The following MYH14 variants were observed in gnomAD, a reference collection of about 807,000 sequenced individuals.
MYH14 encodes myosin-14.
Under a neutral mutation model 255.5 loss-of-function variants are expected in MYH14, and 123 were observed. That is an observed-to-expected ratio of 0.48 (90% confidence interval 0.42 to 0.56). The LOEUF (loss-of-function observed/expected upper bound fraction) is 0.56. Ranked by LOEUF, MYH14 falls within the 20% of genes least tolerant of loss-of-function variation. MYH14 has a pLI of 0.00. For missense variants in MYH14, 2,423 were observed against 2,802.3 expected (o/e 0.86, Z 3.06); for synonymous variants, 1,095 against 1,161.2 (o/e 0.94, Z 1.16).
chr19:50,260,796 CAT>C lies in MYH14; in HGVS notation c.2424+84_2424+85del, dbSNP rs536779326. On this transcript the variant is annotated intron_variant, in intron 20 of 42. Coordinates refer to ENST00000642316, the MANE Select transcript of MYH14 (RefSeq NM_001145809.2). ...GTGTGCGTGCATGTGTGTGTGCATG[CAT>C]ATGTGTGCATGCGTGTGTGTGCAAG... 423 of 1,040,556 alleles carry C rather than the reference CAT, an allele frequency of 4.1e-4. 4 individuals are homozygous for C. The highest frequency in any genetic ancestry group is 3.8e-3 in the South Asian group (286 of 74,836). The allele number at this position is 1,040,556 out of a possible 1,614,324, so 64.5% of individuals were successfully genotyped here. A position where few individuals can be genotyped will look rare whatever the true frequency, so the allele number is the denominator to read the frequency against.
At position 50,301,839 on chromosome 19, in the gene MYH14, A is replaced by T; in HGVS notation, c.5648A>T (p.Gln1883Leu). The T allele has an allele frequency of 6.2e-7, 1 of 1,613,426 alleles. No individual in the cohort carries two copies. Among genetic ancestry groups the T allele is most frequent in the Non-Finnish European group, 8.5e-7 (1 of 1,179,714 alleles). ...TIAALESKLAQAEEQLEQETR... is the reference protein window; with the variant it reads ...TIAALESKLALAEEQLEQETR... ...GCTGCCCTTGAGTCTAAGTTGGCCC[A>T]GGCTGAGGAGCAGCTAGAGCAAGAG... Residue 1883 changes from glutamine (Q) to leucine (L), a missense_variant, in exon 40 of 43, where the codon CAG (glutamine) becomes CTG (leucine). Gln to Leu is a moderately radical substitution (Grantham distance 113, BLOSUM62 -2). Coordinates refer to ENST00000642316, the MANE Select transcript of MYH14 (RefSeq NM_001145809.2).
rs1168584760 is a variant in MYH14 at position 50,232,065 on chromosome 19, T to C, written c.1109T>C (p.Ile370Thr). Residue 370 changes from isoleucine (I) to threonine (T), a missense_variant, in exon 10 of 43, where the codon ATC becomes ACC. Physicochemically the swap from Ile to Thr is moderately conservative, Grantham distance 89. Transcript: ENST00000642316. The stretch of plus-strand genomic sequence containing the variant: ...GTCCTGGGATTCAGCCACGAGGAAA[T>C]CATCTGTGAGTGAGCCCCGTGGAGG... The part of the protein sequence containing the change: ...LRVLGFSHEE[I>T]ISMLRMVSAV... The C allele has an allele frequency of 1.2e-6, 2 of 1,611,660 alleles. No individual in the cohort carries two copies. The highest frequency in any genetic ancestry group is 1.3e-5 in the African/African-American group (1 of 74,936).
intron 18 of MYH14, among the ~76,000 whole-genome samples, chr19:50,258,107 G>C (rs150869408): frequency 0.012 from 1,771 of 152,130 alleles, 19 homozygotes; most frequent in Non-Finnish European, 0.018. Context: ...GGGTCAATGG[G>C]AATGGAAAAC....
At chr19:50,296,641 T>C (rs1195751623) in intron 39 of MYH14, among the ~76,000 whole-genome samples, 1 of 152,100 alleles carries the variant, frequency 6.6e-6, no homozygotes, top group East Asian at 1.9e-4. Flanking sequence ...GAAATGAAAC[T>C]GGAGCTTCTT....
At chr19:50,265,192 G>A (rs1245274056) in intron 22 of MYH14, among the ~76,000 whole-genome samples, 1 of 152,184 alleles carries the variant, frequency 6.6e-6, no homozygotes, top group Non-Finnish European at 1.5e-5. Flanking sequence ...AGCTGCATCT[G>A]AGCTACAGCA....
intron 8 of MYH14, among the ~76,000 whole-genome samples, chr19:50,229,056 G>A (rs2033250263): frequency 6.6e-6 from 1 of 152,160 alleles, no homozygotes; most frequent in Non-Finnish European, 1.5e-5. Flanking sequence ...CCTGCGAGGT[G>A]GCTGCTGCTA....
At chr19:50,291,106 A>G (rs1308314312) in intron 36 of MYH14, 58 bp downstream of exon 36, 2 of 1,568,046 alleles carry the variant, frequency 1.3e-6, no homozygotes, top group Non-Finnish European at 1.7e-6. Flanking sequence ...AGCCCCAACC[A>G]TCACTCCAGG....
In MYH14 at chr19:50,210,412, G is replaced by C. The variant is rs1393521993; in HGVS notation, c.47G>C (p.Arg16Thr). 3 of 1,571,156 alleles carry C rather than the reference G, an allele frequency of 1.9e-6. No individual in the cohort carries two copies. The highest frequency in any genetic ancestry group is 2.6e-6 in the Non-Finnish European group (3 of 1,160,234). The part of the protein sequence containing the change: ...MSVPGRKAPP[R>T]PGPVPEAAQP... The stretch of plus-strand genomic sequence containing the variant: ...GTGCCCGGGCGGAAGGCGCCCCCCA[G>C]GCCGGGCCCAGTGCCCGAGGCGGCC... Residue 16 changes from arginine (R) to threonine (T), a missense_variant, in exon 2 of 43, where the codon AGG becomes ACG. Arg to Thr is a moderately conservative substitution (Grantham distance 71). Coordinates refer to ENST00000642316, the MANE Select transcript of MYH14 (RefSeq NM_001145809.2).
chr19:50,205,063 G>A (rs941036741), intron 1 of MYH14, among the ~76,000 whole-genome samples: 22 of 152,080 alleles, frequency 1.4e-4, no homozygotes, highest in African/African-American at 5.1e-4. Context: ...TACTCTTACT[G>A]TCTATAGATT....
chr19:50,264,088 A>AAAAG (rs2034995388), intron 22 of MYH14, among the ~76,000 whole-genome samples: 1 of 89,806 alleles, frequency 1.1e-5, no homozygotes. Flanking sequence ...AGCAAAGGTT[A>AAAAG]AAAAAAAAAA....
intron 10 of MYH14, 97 bp from the exon 11 acceptor site, chr19:50,244,145 T>G (rs2033999562): frequency 1.0e-6 from 1 of 994,482 alleles, no homozygotes; most frequent in African/African-American, 1.6e-5. Context: ...GGTGATATAA[T>G]TTGCCTTAAG....
chr19:50,247,897 A>T (rs1430588270), intron 12 of MYH14, among the ~76,000 whole-genome samples: 1 of 151,960 alleles, frequency 6.6e-6, no homozygotes, highest in Non-Finnish European at 1.5e-5. Flanking sequence ...CTCCGTCTCT[A>T]CTAAAATACA....
intron 22 of MYH14, among the ~76,000 whole-genome samples, chr19:50,265,705 C>G (rs2035059228): frequency 6.6e-6 from 1 of 152,006 alleles, no homozygotes; most frequent in South Asian, 2.1e-4. Flanking sequence ...CCTGTAATCC[C>G]AGCTACTCAG....
In MYH14 at chr19:50,276,660, T is replaced by G; in HGVS notation, c.3681-97T>G. Reference sequence around the variant, plus strand: ...GAGCATAACATGAGGCCCTCATATTTTAAGGAAACATGAAAAGGAGAAACA... The same window carrying G: ...GAGCATAACATGAGGCCCTCATATTGTAAGGAAACATGAAAAGGAGAAACA... On this transcript the variant is annotated intron_variant, in intron 28 of 42. Coordinates refer to ENST00000642316, the MANE Select transcript of MYH14 (RefSeq NM_001145809.2). This position sits in a 1 kb window ranked among gnomAD's most constrained non-coding sequence, Gnocchi z 4.3. The G allele has an allele frequency of 6.5e-7, 1 of 1,528,136 alleles. No individual in the cohort carries two copies. The highest frequency in any genetic ancestry group is 9.0e-7 in the Non-Finnish European group (1 of 1,107,214). 94.7% of individuals were successfully genotyped at this position (1,528,136 alleles called of 1,614,324 possible). A position where few individuals can be genotyped will look rare whatever the true frequency, so the allele number is the denominator to read the frequency against.
At chr19:50,301,899 G>C (rs1356470011) in intron 40 of MYH14, 30 bp downstream of exon 40, 1 of 1,547,908 alleles carries the variant, frequency 6.5e-7, no homozygotes, top group Admixed American at 1.8e-5. Context: ...ACAGGAGAAA[G>C]GTGACCTCCA....
rs201603885 is a variant in MYH14, at chr19:50,247,055, G to A, written c.1262G>A (p.Arg421Gln). The A allele has an allele frequency of 1.5e-5, 24 of 1,613,444 alleles. No homozygotes were observed. Among genetic ancestry groups the A allele is most frequent in the South Asian group, 2.2e-5 (2 of 90,906 alleles). Residue 421 changes from arginine (R) to glutamine (Q), a missense_variant, in exon 12 of 43, where the codon CGA becomes CAA. Arg to Gln is a conservative substitution (Grantham distance 43, BLOSUM62 1). This residue lies in a region of MYH14 where 672 missense variants were observed against 881.8 expected (regional missense o/e 0.76). Transcript: ENST00000642316. ...GGACTGGGGGTGACGGATTTCTCCC[G>A]AGCCTTGCTCACCCCTCGCATCAAA... ...LLGLGVTDFS[R>Q]ALLTPRIKVG...
chr19:50,246,899 C>A, intron 11 of MYH14, 105 bp from the exon 12 acceptor site: 3 of 741,090 alleles, frequency 4.0e-6, no homozygotes, highest in Non-Finnish European at 6.7e-6. Context: ...AGGCGGGGCC[C>A]GTCTTCTGCT....
At position 50,268,251 on chromosome 19, in the gene MYH14, G is replaced by T; in HGVS notation, c.2917G>T (p.Ala973Ser). The change falls in exon 24 of 43, where the codon GCC (alanine) becomes TCC (serine). Residue 973 changes from alanine (A) to serine (S), a missense_variant. Coordinates refer to ENST00000642316, the MANE Select transcript of MYH14 (RefSeq NM_001145809.2). ...EAEETRGRLAARKQELELVVS... is the reference protein window; with the variant it reads ...EAEETRGRLASRKQELELVVS... ...CGAGGAGACGCGGGGGAGGCTGGCA[G>T]CCCGCAAGCAGGAGCTGGAGCTGGT... 1 of 1,570,190 alleles carries T rather than the reference G, an allele frequency of 6.4e-7. No homozygotes were observed.
At position 50,286,549 on chromosome 19, in the gene MYH14, G is replaced by T; in HGVS notation, c.4607G>T (p.Gly1536Val). The change falls in exon 34 of 43, where the codon GGC becomes GTC. Residue 1536 changes from glycine to valine, a missense_variant. Physicochemically the swap from Gly to Val is moderately radical, Grantham distance 109. Coordinates refer to ENST00000642316, the MANE Select transcript of MYH14 (RefSeq NM_001145809.2). ...GAACGTGAGCGGGCCGAGGCAGAGG[G>T]CCGGGAGCGTGAGGCTCGGGCCCTG... ...VEERERAEAEGREREARALSL... is the reference protein window; with the variant it reads ...VEERERAEAEVREREARALSL... The T allele has an allele frequency of 6.2e-7, 1 of 1,613,094 alleles. No homozygotes were observed. The highest frequency in any genetic ancestry group is 8.5e-7 in the Non-Finnish European group (1 of 1,179,626).
Sources: allele counts gnomAD v4.1 joint callset (sites outside exome capture counted in the v4.1 genomes callset), GRCh38; gene constraint gnomAD v4.1.1; regional missense constraint gnomAD v4.1.1; non-coding constraint Gnocchi (gnomAD v3.1); transcripts MANE v1.5; gene names NCBI Gene and HGNC (gene_info 2026-07-23, HGNC 2026-07-21).